Variants in CTNNA2 observed in about 807,000 individuals in gnomAD.
CTNNA2 encodes the protein catenin alpha 2.
In CTNNA2, 42 loss-of-function variants were observed where a neutral mutation model predicts 101.0. The observed-to-expected ratio is 0.42, with a 90% CI of 0.32 to 0.54. CTNNA2 has a LOEUF of 0.54. Among genes scored for constraint, CTNNA2 ranks in the 20% least tolerant of loss-of-function variants. The pLI, the probability that CTNNA2 is intolerant of heterozygous loss-of-function variation, is 0.14. For missense variants in CTNNA2, 871 were observed against 1,223.1 expected (o/e 0.71, Z 4.29); for synonymous variants, 450 against 456.4 (o/e 0.99, Z 0.18).
At chr2:80,511,876 C>T (rs139584071) in intron 9 of CTNNA2, among the ~76,000 whole-genome samples, 7 of 152,076 alleles carry the variant, frequency 4.6e-5, no homozygotes, top group African/African-American at 1.4e-4. Context: ...GAGGGCCAGG[C>T]GTGGTGGCTT....
intron 9 of CTNNA2, among the ~76,000 whole-genome samples, chr2:80,523,219 C>G (rs567325340): frequency 1.6e-4 from 25 of 152,026 alleles, no homozygotes; most frequent in African/African-American, 6.0e-4. Flanking sequence ...GTCAAGCAGC[C>G]TCAGTGGGAG....
intron 2 of CTNNA2, among the ~76,000 whole-genome samples, chr2:79,219,041 C>T (rs912125626): frequency 6.6e-5 from 10 of 152,010 alleles, no homozygotes; most frequent in African/African-American, 1.9e-4. Context: ...ACAAAATTGC[C>T]ACATTTTGAA....
At chr2:80,574,460 T>A in intron 13 of CTNNA2, 146 bp downstream of exon 13, 1 of 947,452 alleles carries the variant, frequency 1.1e-6, no homozygotes, top group Non-Finnish European at 1.5e-6. Context: ...CAAGGTGAGC[T>A]TTATACTTAT....
intron 9 of CTNNA2, among the ~76,000 whole-genome samples, chr2:80,482,351 T>C (rs1046449808): frequency 1.3e-5 from 2 of 152,120 alleles, no homozygotes; most frequent in Non-Finnish European, 2.9e-5. Flanking sequence ...GTACAGTTCC[T>C]GGTACTGGTA....
intron 9 of CTNNA2, among the ~76,000 whole-genome samples, chr2:80,523,352 AG>A (rs985556009): frequency 2.6e-5 from 4 of 152,184 alleles, no homozygotes; most frequent in African/African-American, 9.7e-5. Flanking sequence ...GAATAAAAAA[AG>A]ATGTCTATGA....
At chr2:80,361,860 T>C (rs1365577826) in intron 7 of CTNNA2, among the ~76,000 whole-genome samples, 1 of 152,152 alleles carries the variant, frequency 6.6e-6, no homozygotes, top group Non-Finnish European at 1.5e-5. Flanking sequence ...ATGTGCATCA[T>C]AGACCGCCTA....
chr2:80,526,654 AT>A (rs1460391533), intron 9 of CTNNA2, among the ~76,000 whole-genome samples: 1 of 152,072 alleles, frequency 6.6e-6, no homozygotes, highest in Non-Finnish European at 1.5e-5. Context: ...CAATTTTCTC[AT>A]CTATAAAATG....
At chr2:79,315,046 A>G (rs1353299918) in intron 3 of CTNNA2, among the ~76,000 whole-genome samples, 2 of 152,128 alleles carry the variant, frequency 1.3e-5, no homozygotes, top group Non-Finnish European at 2.9e-5. Context: ...CACTTCCCTA[A>G]GTTACTATTT....
intron 7 of CTNNA2, among the ~76,000 whole-genome samples, chr2:80,143,767 A>T (rs996097311): frequency 8.5e-5 from 13 of 152,210 alleles, no homozygotes; most frequent in African/African-American, 2.9e-4. Flanking sequence ...GGGAGGGATC[A>T]CATAATTGCA....
At chr2:80,025,493 G>T (rs1694874732) in intron 7 of CTNNA2, among the ~76,000 whole-genome samples, 1 of 152,216 alleles carries the variant, frequency 6.6e-6, no homozygotes, top group Non-Finnish European at 1.5e-5. Flanking sequence ...GACATCTCAG[G>T]AAAAGGGAGC....
intron 3 of CTNNA2, among the ~76,000 whole-genome samples, chr2:79,349,759 A>C (rs985918344): frequency 1.3e-5 from 2 of 152,234 alleles, no homozygotes; most frequent in African/African-American, 4.8e-5. Flanking sequence ...AGAGCTGATG[A>C]AGACACCAAG....
At chr2:79,984,539 C>CTTAA (rs1269591804) in intron 7 of CTNNA2, among the ~76,000 whole-genome samples, 1 of 152,124 alleles carries the variant, frequency 6.6e-6, no homozygotes, top group Non-Finnish European at 1.5e-5. Context: ...CTGATCTATA[C>CTTAA]TTAATTAATT....
intron 3 of CTNNA2, among the ~76,000 whole-genome samples, chr2:79,320,844 G>A (rs964586361): frequency 1.3e-5 from 2 of 152,136 alleles, no homozygotes; most frequent in Non-Finnish European, 2.9e-5. Flanking sequence ...CACCAATTTT[G>A]TTCTCTGGGA....
intron 7 of CTNNA2, among the ~76,000 whole-genome samples, chr2:80,029,970 G>T (rs545776318): frequency 1.3e-5 from 2 of 152,032 alleles, no homozygotes; most frequent in Middle Eastern, 6.8e-3. Context: ...CAATGGGAGG[G>T]GCATAAAAAA....
At chr2:79,973,312 CT>C (rs1328278313) in intron 7 of CTNNA2, among the ~76,000 whole-genome samples, 2 of 152,060 alleles carry the variant, frequency 1.3e-5, no homozygotes, top group East Asian at 3.9e-4. Flanking sequence ...GATGGATGGC[CT>C]CTGGGATTCT....
intron 7 of CTNNA2, among the ~76,000 whole-genome samples, chr2:80,386,761 CTACATGATATTT>C (rs920218690): frequency 1.3e-5 from 2 of 152,168 alleles, no homozygotes; most frequent in African/African-American, 4.8e-5. Context: ...ACAGTCACAG[CTACATGATATTT>C]TGAAGATTCC....
intron 1 of CTNNA2, among the ~76,000 whole-genome samples, chr2:79,633,517 G>A (rs1356942037): frequency 6.6e-6 from 1 of 152,212 alleles, no homozygotes; most frequent in East Asian, 1.9e-4. Context: ...ACCCATACCT[G>A]TAGATGACCA....
chr2:80,138,098 A>G (rs1386413661), intron 7 of CTNNA2, among the ~76,000 whole-genome samples: 2 of 152,200 alleles, frequency 1.3e-5, no homozygotes, highest in African/African-American at 4.8e-5. Flanking sequence ...CAAACCTTCA[A>G]TCCTTTGGAC....
chr2:79,978,687 G>A (rs1691042930), intron 7 of CTNNA2, among the ~76,000 whole-genome samples: 1 of 152,146 alleles, frequency 6.6e-6, no homozygotes, highest in Non-Finnish European at 1.5e-5. Flanking sequence ...CATAAGTGCT[G>A]TAAGAGCCAC....
Sources: allele counts gnomAD v4.1 joint callset (sites outside exome capture counted in the v4.1 genomes callset), GRCh38; gene constraint gnomAD v4.1.1; transcripts MANE v1.5; gene names NCBI Gene and HGNC (gene_info 2026-07-23, HGNC 2026-07-21).